WWC2: variants seen among roughly 807,000 people sequenced by gnomAD.
The protein encoded by WWC2 is protein WWC2.
WWC2 carries 101 observed loss-of-function variants against 138.5 expected under a neutral mutation model. The observed-to-expected ratio is 0.73, with a 90% confidence interval of 0.62 to 0.86. The LOEUF (loss-of-function observed/expected upper bound fraction) is 0.86. WWC2 is among the 40% of genes least tolerant of loss of function. The pLI, the probability that WWC2 is intolerant of heterozygous loss-of-function variation, is 0.00. For synonymous variants in WWC2, 558 were observed against 538.4 expected, an observed-to-expected ratio of 1.04 and a Z score of -0.50; for missense variants, 1,420 against 1,419.4, an observed-to-expected ratio of 1.00 and a Z score of -0.01.
intron 1 of WWC2, among the ~76,000 whole-genome samples, chr4:183,104,217 G>A (rs998819316): frequency 3.3e-5 from 5 of 152,166 alleles, no homozygotes; most frequent in Admixed American, 2.6e-4. Flanking sequence ...CTGCTAGACT[G>A]TAAACTCCTG....
intron 20 of WWC2, among the ~76,000 whole-genome samples, chr4:183,288,435 C>G (rs142642574): frequency 6.6e-6 from 1 of 152,178 alleles, no homozygotes; most frequent in Non-Finnish European, 1.5e-5. Context: ...GAAATACCTC[C>G]GTGTTCCCCT....
chr4:183,150,427 A>C (rs1005124360), intron 1 of WWC2, among the ~76,000 whole-genome samples: 1 of 152,206 alleles, frequency 6.6e-6, no homozygotes, highest in Admixed American at 6.5e-5. Flanking sequence ...ACAGAGTTCA[A>C]GGTCATCACA....
chr4:183,272,255 A>G (rs540340416), intron 16 of WWC2, among the ~76,000 whole-genome samples: 149 of 152,316 alleles, frequency 9.8e-4, no homozygotes, highest in Admixed American at 1.6e-3. Flanking sequence ...GTGGGTGGTG[A>G]AAGGGAAACA....
intron 1 of WWC2, among the ~76,000 whole-genome samples, chr4:183,151,297 GA>G (rs1285467625): frequency 2.6e-5 from 4 of 152,190 alleles, no homozygotes; most frequent in Non-Finnish European, 5.9e-5. Context: ...CAGTGATGAT[GA>G]GCATTTTTTC....
intron 1 of WWC2, among the ~76,000 whole-genome samples, chr4:183,170,211 AG>A (rs1734238337): frequency 6.6e-6 from 1 of 152,236 alleles, no homozygotes; most frequent in Admixed American, 6.5e-5. Context: ...TGTAGAAAAT[AG>A]CGGGTCATGC....
At chr4:183,261,596 A>G (rs1000636389) in intron 11 of WWC2, 64 bp downstream of exon 11, 1 of 1,485,442 alleles carries the variant, frequency 6.7e-7, no homozygotes, top group African/African-American at 1.4e-5. Context: ...TGATTGGAGC[A>G]TTATTTTTCC....
intron 1 of WWC2, among the ~76,000 whole-genome samples, chr4:183,108,157 C>T (rs139974621): frequency 4.2e-4 from 64 of 151,864 alleles, no homozygotes; most frequent in African/African-American, 1.4e-3. Flanking sequence ...CCTTTTAGCT[C>T]GTTATATATG....
At position 183,260,791 on chromosome 4, in the gene WWC2, C is replaced by T. The variant is rs935600763; in HGVS notation, c.1287-119C>T. On this transcript the variant is annotated intron_variant, in intron 10 of 22. Coordinates refer to ENST00000403733, the MANE Select transcript of WWC2 (RefSeq NM_024949.6). The stretch of plus-strand genomic sequence containing the variant: ...TATAGGGAGTTCCTCTGTCCCTGGC[C>T]ATTGATTCCATTCTTTAGCAGGTTT... The T allele has an allele frequency of 2.2e-6, 3 of 1,345,118 alleles. No homozygotes were observed. The Admixed American group carries it at 7.7e-5, about 35-fold the overall frequency. 83.3% of individuals were successfully genotyped at this position (1,345,118 alleles called of 1,614,324 possible).
At chr4:183,170,430 A>C (rs1734244612) in intron 1 of WWC2, among the ~76,000 whole-genome samples, 1 of 152,206 alleles carries the variant, frequency 6.6e-6, no homozygotes, top group South Asian at 2.1e-4. Context: ...TTCTGGAGTC[A>C]GTCATTAGGA....
chr4:183,111,169 G>A (rs996353341), intron 1 of WWC2, among the ~76,000 whole-genome samples: 4 of 152,304 alleles, frequency 2.6e-5, no homozygotes, highest in South Asian at 4.2e-4. Flanking sequence ...GAATCCAGGA[G>A]GCGGAGCTTG....
At chr4:183,254,872 A>C (rs559110799) in intron 9 of WWC2, among the ~76,000 whole-genome samples, 1 of 138,274 alleles carries the variant, frequency 7.2e-6, no homozygotes, top group African/African-American at 3.2e-5. Context: ...CAGTTGCTTC[A>C]AAAAAAAAAA....
rs1203404385 is a variant in WWC2, at chr4:183,260,764, A to G, written c.1287-146A>G. ...AGGTCGTTAACTGACACACGGCCGT[A>G]ATATAGGGAGTTCCTCTGTCCCTGG... On this transcript the variant is annotated intron_variant, in intron 10 of 22. Transcript: ENST00000403733. 4 of 1,093,140 alleles carry G rather than the reference A, an allele frequency of 3.7e-6. No homozygotes were observed. In the Admixed American group the frequency reaches 8.5e-5, roughly 23 times the overall value. The allele number at this position is 1,093,140 out of a possible 1,614,324, so 67.7% of individuals were successfully genotyped here.
Position 183,193,653 on chromosome 4 carries a change from A to T in WWC2, c.186A>T (p.Gly62=), listed in dbSNP as rs1277964680. Residue 62 remains glycine, a synonymous_variant, in exon 2 of 23, where the codon GGA becomes GGT. Transcript: ENST00000403733. ...GTGTTGGGGATGAGCTGCCGTGGGG[A>T]TGGGAAGCAGGGTTTGACCCTCAGA... ...ADCVGDELPW[G]WEAGFDPQIG... 3 of 1,613,872 alleles carry T rather than the reference A, an allele frequency of 1.9e-6. No individual in the cohort carries two copies. Among genetic ancestry groups the T allele is most frequent in the Admixed American group, 1.7e-5 (1 of 59,990 alleles).
chr4:183,154,002 C>CAAAAAAAAAA (rs35002790), intron 1 of WWC2, among the ~76,000 whole-genome samples: 39 of 71,642 alleles, frequency 5.4e-4, no homozygotes, highest in African/African-American at 2.1e-3. Context: ...CTTTAAAAAG[C>CAAAAAAAAAA]AAAAAAAAAA....
Position 183,264,907 on chromosome 4 carries a change from A to G in WWC2, c.1910-71A>G, listed in dbSNP as rs181731427. Reference sequence around the variant, plus strand: ...ATTTTGGATTGCTCATGACCAAACTATGTATGTATTTAATACTTAACTTTT... The same window carrying G: ...ATTTTGGATTGCTCATGACCAAACTGTGTATGTATTTAATACTTAACTTTT... On this transcript the variant is annotated intron_variant, in intron 11 of 22. Coordinates refer to ENST00000403733, the MANE Select transcript of WWC2 (RefSeq NM_024949.6). 217 of 1,453,292 alleles carry G rather than the reference A, an allele frequency of 1.5e-4. 1 individual carries two copies. In the Middle Eastern group the frequency reaches 2.0e-3, roughly 13 times the overall value. The allele number at this position is 1,453,292 out of a possible 1,614,324, so 90.0% of individuals were successfully genotyped here. A position where few individuals can be genotyped will look rare whatever the true frequency, so the allele number is the denominator to read the frequency against.
At chr4:183,233,683 CG>C (rs1166316728) in intron 4 of WWC2, 1 of 152,164 alleles carries the variant, frequency 6.6e-6, no homozygotes, top group Non-Finnish European at 1.5e-5. Flanking sequence ...CCATCATACA[CG>C]GTTCTAGCAG....
intron 1 of WWC2, among the ~76,000 whole-genome samples, chr4:183,186,318 A>G (rs1349375174): frequency 6.6e-6 from 1 of 152,196 alleles, no homozygotes; most frequent in Non-Finnish European, 1.5e-5. Context: ...AGCATGAGCC[A>G]TGTGCTTTTT....
chr4:183,288,075 G>A (rs1211908952), intron 20 of WWC2, among the ~76,000 whole-genome samples: 1 of 152,214 alleles, frequency 6.6e-6, no homozygotes, highest in Non-Finnish European at 1.5e-5. Context: ...AAGATAATGT[G>A]TGTCTAGATG....
rs778653064 is a variant in WWC2 at position 183,099,514 on chromosome 4, G to C, written c.23G>C (p.Gly8Ala). The C allele has an allele frequency of 3.6e-6, 5 of 1,390,346 alleles. No individual in the cohort carries two copies. Among genetic ancestry groups the C allele is most frequent in the Non-Finnish European group, 4.7e-6 (5 of 1,055,188 alleles). 86.1% of individuals were successfully genotyped at this position (1,390,346 alleles called of 1,614,324 possible). The change falls in exon 1 of 23, where the codon GGT (glycine) becomes GCT (alanine). Residue 8 changes from glycine (G) to alanine (A), a missense_variant. Coordinates refer to ENST00000403733, the MANE Select transcript of WWC2 (RefSeq NM_024949.6). Reference protein sequence around the residue: MPRRAGSGQLPLPRGWEE... With the variant: MPRRAGSAQLPLPRGWEE... ...ACCATGCCTAGGAGGGCCGGGAGCG[G>C]TCAGCTGCCGCTGCCCCGGGGCTGG...
Sources: gnomAD v4.1 joint callset for allele counts (sites outside exome capture counted in the v4.1 genomes callset) on GRCh38, gnomAD v4.1.1 for gene constraint, MANE v1.5 for transcripts, NCBI Gene and HGNC (gene_info 2026-07-23, HGNC 2026-07-21) for gene names.